The following RASSF6 variants were observed in gnomAD, a reference collection of about 807,000 sequenced individuals.
The protein encoded by RASSF6 is Ras association domain family member 6.
RASSF6 carries 52 observed loss-of-function variants against 44.0 expected under a neutral mutation model. The ratio of observed to expected loss-of-function variants is 1.18; its 90% CI spans 0.95 to 1.49. RASSF6 has a LOEUF of 1.49. RASSF6 is among the 40% of genes most tolerant of loss of function. RASSF6 has a pLI of 0.00. For missense variants in RASSF6, 464 were observed against 393.3 expected (o/e 1.18, Z -1.52); for synonymous variants, 162 against 124.6 (o/e 1.30, Z -2.00).
rs1038783048 is a variant in RASSF6, at chr4:73,589,509, C to T, written c.288-1575G>A. Among the ~76,000 whole-genome samples the T allele has an allele frequency of 6.3e-4, 95 of 151,986 alleles. 1 individual carries two copies. Among genetic ancestry groups the T allele is most frequent in the African/African-American group, 2.0e-3 (82 of 41,450 alleles). ...TGCCAGTCAAATTCTCGGTGACCCTCGCAGACGTGACAGCTTAGTTTTGTC... is the reference window on the plus strand; with the variant it reads ...TGCCAGTCAAATTCTCGGTGACCCTTGCAGACGTGACAGCTTAGTTTTGTC... On this transcript the variant is annotated intron_variant, in intron 4 of 10. Coordinates refer to ENST00000307439, the MANE Select transcript of RASSF6 (RefSeq NM_177532.5).
In RASSF6 at chr4:73,598,719, C is replaced by A; in HGVS notation, c.66-1G>T. The A allele has an allele frequency of 8.3e-7, 1 of 1,208,672 alleles. No homozygotes were observed. The highest frequency in any genetic ancestry group is 1.1e-6 in the Non-Finnish European group (1 of 908,852). 74.9% of individuals were successfully genotyped at this position (1,208,672 alleles called of 1,614,324 possible). A position where few individuals can be genotyped will look rare whatever the true frequency, so the allele number is the denominator to read the frequency against. The stretch of plus-strand genomic sequence containing the variant: ...CTTCAATAAAGAATTAAGTTGTTCC[C>A]TAAAAATAAAAAAAAATTAATTACA... On this transcript the variant is annotated splice_acceptor_variant, in intron 2 of 10. Transcript: ENST00000307439. LOFTEE classifies it high-confidence loss of function.
Position 73,574,486 on chromosome 4 carries a change from C to G in RASSF6, c.*1749G>C, listed in dbSNP as rs1482038709. 1 of 152,316 alleles carries G rather than the reference C, an allele frequency of 6.6e-6. No individual in the cohort carries two copies. The highest frequency in any genetic ancestry group is 1.5e-5 in the Non-Finnish European group (1 of 68,158). The allele number at this position is 152,316 out of a possible 1,614,324, so 9.4% of individuals were successfully genotyped here. The stretch of plus-strand genomic sequence containing the variant: ...CAAACTTCTCTCCAGTGGGCTGCAA[C>G]CACACCTTCTCCAGTGAATTCTGAA... On this transcript the variant is annotated 3_prime_UTR_variant, in exon 11 of 11. Transcript: ENST00000307439.
At chr4:73,589,053 G>A (rs111270878) in intron 4 of RASSF6, among the ~76,000 whole-genome samples, 4,417 of 152,180 alleles carry the variant, frequency 0.029, 86 homozygotes, top group South Asian at 0.06. Context: ...TGAATATGAA[G>A]AAAGTCATCC....
chr4:73,580,870 T>G (rs1022504168), intron 8 of RASSF6, among the ~76,000 whole-genome samples: 1 of 102,562 alleles, frequency 9.8e-6, no homozygotes, highest in African/African-American at 3.1e-5. Flanking sequence ...AGAAGCTCTT[T>G]AGTTTAATGA....
intron 8 of RASSF6, among the ~76,000 whole-genome samples, chr4:73,581,516 A>G (rs1305793381): frequency 6.6e-6 from 1 of 152,206 alleles, no homozygotes; most frequent in Non-Finnish European, 1.5e-5. Flanking sequence ...TACAGAGGTG[A>G]GCAAAGACAA....
intron 8 of RASSF6, among the ~76,000 whole-genome samples, chr4:73,577,344 A>G (rs1578013896): frequency 6.6e-6 from 1 of 152,224 alleles, no homozygotes; most frequent in Non-Finnish European, 1.5e-5. Context: ...AAAAGTTATA[A>G]TATAAATACT....
At position 73,606,325 on chromosome 4, in the gene RASSF6, A is replaced by G. The variant is rs368648950; in HGVS notation, c.65+5406T>C. Among the ~76,000 whole-genome samples, 30 of 152,352 alleles carry G rather than the reference A, an allele frequency of 2.0e-4. No homozygotes were observed. The East Asian group carries it at 2.1e-3, about 11-fold the overall frequency. On this transcript the variant is annotated intron_variant, in intron 2 of 10. Transcript: ENST00000307439. Reference sequence around the variant, plus strand: ...GAACTAATAGAGAAACAGAAAATCAAATATTGTATATTCTCACTTATAAGT... The same window carrying G: ...GAACTAATAGAGAAACAGAAAATCAGATATTGTATATTCTCACTTATAAGT...
chr4:73,589,860 A>G (rs1724393172), intron 4 of RASSF6, among the ~76,000 whole-genome samples: 1 of 152,136 alleles, frequency 6.6e-6, no homozygotes, highest in Admixed American at 6.6e-5. Context: ...AATAAAAAGG[A>G]GGTAGAAATT....
chr4:73,586,443 T>G (rs1027174512), intron 5 of RASSF6, among the ~76,000 whole-genome samples: 1 of 152,020 alleles, frequency 6.6e-6, no homozygotes, highest in South Asian at 2.1e-4. Context: ...GGAATTGAAT[T>G]GAGCTACAAT....
intron 2 of RASSF6, 62 bp downstream of exon 2, chr4:73,611,669 G>C: frequency 1.9e-6 from 2 of 1,030,398 alleles, no homozygotes; most frequent in Admixed American, 3.7e-5. Context: ...AGAAAACTTT[G>C]ACGGTATATT....
chr4:73,610,484 C>T (rs1218170893), intron 2 of RASSF6, among the ~76,000 whole-genome samples: 1 of 152,166 alleles, frequency 6.6e-6, no homozygotes, highest in East Asian at 1.9e-4. Flanking sequence ...TCATAATGGC[C>T]TATCAAACCC....
At chr4:73,588,258 A>C (rs1212457785) in intron 4 of RASSF6, among the ~76,000 whole-genome samples, 3 of 152,078 alleles carry the variant, frequency 2.0e-5, no homozygotes, top group African/African-American at 7.2e-5. Flanking sequence ...CAATTGTTAT[A>C]AAGATATTTC....
rs1036056005 is a variant in RASSF6 at position 73,572,994 on chromosome 4, C to T, written c.*3241G>A. 2.0e-5 allele frequency: 3 copies of T among 151,792 alleles called. No individual in the cohort carries two copies. The highest frequency in any genetic ancestry group is 4.4e-5 in the Non-Finnish European group (3 of 67,996). 9.4% of individuals were successfully genotyped at this position (151,792 alleles called of 1,614,324 possible). A position where few individuals can be genotyped will look rare whatever the true frequency, so the allele number is the denominator to read the frequency against. On this transcript the variant is annotated 3_prime_UTR_variant, in exon 11 of 11. Coordinates refer to ENST00000307439, the MANE Select transcript of RASSF6 (RefSeq NM_177532.5). ...ATATATAATATATATGCCTTAAGTA[C>T]ATAATAAATATTTTGGAACATGTGT...
chr4:73,581,944 C>A, intron 7 of RASSF6, 76 bp from the exon 8 acceptor site: 1 of 1,088,796 alleles, frequency 9.2e-7, no homozygotes, highest in Non-Finnish European at 1.4e-6. Context: ...AGACCCAAAT[C>A]ATGTCTGTTT....
At position 73,585,167 on chromosome 4, in the gene RASSF6, G is replaced by T. The variant is rs373578914; in HGVS notation, c.567+13C>A. 2 of 1,558,406 alleles carry T rather than the reference G, an allele frequency of 1.3e-6. No individual in the cohort carries two copies. The highest frequency in any genetic ancestry group is 1.7e-6 in the Non-Finnish European group (2 of 1,149,360). ...TATTTTATATTACATTAATGGAATTGTAACTCACTTACTTCATGGTTATAG... is the reference window on the plus strand; with the variant it reads ...TATTTTATATTACATTAATGGAATTTTAACTCACTTACTTCATGGTTATAG... On this transcript the variant is annotated intron_variant, in intron 6 of 10. Coordinates refer to ENST00000307439, the MANE Select transcript of RASSF6 (RefSeq NM_177532.5).
At chr4:73,619,600 C>A (rs866451029) in intron 1 of RASSF6, among the ~76,000 whole-genome samples, 1 of 152,122 alleles carries the variant, frequency 6.6e-6, no homozygotes, top group South Asian at 2.1e-4. Flanking sequence ...TTTGATGATG[C>A]TTGTTTTACA....
chr4:73,615,132 T>C (rs1478700672), intron 1 of RASSF6, among the ~76,000 whole-genome samples: 1 of 143,922 alleles, frequency 6.9e-6, no homozygotes, highest in East Asian at 2.0e-4. Flanking sequence ...TGAGCCAAGA[T>C]TGTGTCCCTG....
At chr4:73,602,404 A>C (rs1292150701) in intron 2 of RASSF6, among the ~76,000 whole-genome samples, 1 of 152,258 alleles carries the variant, frequency 6.6e-6, no homozygotes, top group Non-Finnish European at 1.5e-5. Flanking sequence ...CAAATGTGCC[A>C]TGTCTATAGA....
In RASSF6 at chr4:73,587,897, T is replaced by C. The variant is rs572313609; in HGVS notation, c.325A>G (p.Ile109Val). 1.2e-6 allele frequency: 2 copies of C among 1,610,548 alleles called. No individual in the cohort carries two copies. Among genetic ancestry groups the C allele is most frequent in the South Asian group, 1.1e-5 (1 of 90,846 alleles). Residue 109 changes from isoleucine to valine, a missense_variant, in exon 5 of 11, where the codon ATT (isoleucine) becomes GTT (valine). Ile to Val is a conservative substitution (Grantham distance 29, BLOSUM62 3). Transcript: ENST00000307439. ...ATCTGGGTCCTGTCCAGCTCACTAA[T>C]ACGATAGAGATCGTCAAATTCCCCC... ...RWGEFDDLYR[I>V]SELDRTQIPM... is the part of the protein sequence containing the mutation.
Sources: allele counts gnomAD v4.1 joint callset (sites outside exome capture counted in the v4.1 genomes callset), GRCh38; gene constraint gnomAD v4.1.1; transcripts MANE v1.5; gene names NCBI Gene and HGNC (gene_info 2026-07-23, HGNC 2026-07-21).